Variants in KLHL4 observed in about 807,000 individuals in gnomAD.
KLHL4 encodes the protein kelch like family member 4, also known as kelch-like protein 4.
In KLHL4, 17 loss-of-function variants were observed where a neutral mutation model predicts 45.8. The ratio of observed to expected loss-of-function variants is 0.37; its 90% CI spans 0.25 to 0.56. The LOEUF (loss-of-function observed/expected upper bound fraction) is 0.56. Ranked by LOEUF, KLHL4 falls within the 20% of genes least tolerant of loss-of-function variation. The pLI, the probability that KLHL4 is intolerant of heterozygous loss-of-function variation, is 0.79. For missense variants in KLHL4, 544 were observed against 544.9 expected, an observed-to-expected ratio of 1.00 and a Z score of 0.02; for synonymous variants, 224 against 189.9, an observed-to-expected ratio of 1.18 and a Z score of -1.47.
intron 1 of KLHL4, among the ~76,000 whole-genome samples, chrX:87,591,602 T>G (rs1047141032): frequency 1.7e-4 from 19 of 112,143 alleles, no homozygotes; most frequent in Non-Finnish European, 9.4e-5. Context: ...TTGCAGATTG[T>G]GTCTTCACTC....
chrX:87,610,816 G>T (rs1027491445), intron 1 of KLHL4, among the ~76,000 whole-genome samples: 1 of 111,746 alleles, frequency 8.9e-6, no homozygotes, highest in Non-Finnish European at 1.9e-5. Context: ...GCTCACACCT[G>T]TAATTTCAGC....
chrX:87,637,261 G>A (rs1451113097), intron 9 of KLHL4, among the ~76,000 whole-genome samples: 1 of 111,508 alleles, frequency 9.0e-6, no homozygotes, highest in East Asian at 2.8e-4. Flanking sequence ...TGCTCAGGAA[G>A]CCCCATCCCT....
intron 1 of KLHL4, among the ~76,000 whole-genome samples, chrX:87,601,202 T>G (rs761192858): frequency 8.9e-6 from 1 of 111,793 alleles, no homozygotes; most frequent in Admixed American, 9.5e-5. Context: ...TGTAAAAGTT[T>G]TAGAACCAGA....
At chrX:87,659,786 G>T (rs1031316509) in intron 9 of KLHL4, among the ~76,000 whole-genome samples, 1 of 109,809 alleles carries the variant, frequency 9.1e-6, no homozygotes, top group Admixed American at 9.8e-5. Context: ...CTGAAAACTG[G>T]GTTTTTGAAA....
intron 3 of KLHL4, among the ~76,000 whole-genome samples, chrX:87,615,708 T>C (rs986460329): frequency 9.0e-6 from 1 of 111,420 alleles, no homozygotes; most frequent in Non-Finnish European, 1.9e-5. Flanking sequence ...ATATGCCAGA[T>C]AAAAGAAGCC....
chrX:87,613,427 C>A (rs1279643980), intron 1 of KLHL4, among the ~76,000 whole-genome samples: 2 of 111,861 alleles, frequency 1.8e-5, no homozygotes, highest in East Asian at 2.8e-4. Context: ...GCTTGAAATT[C>A]TTTGAGGAAT....
chrX:87,663,346 G>A (rs185821094), intron 9 of KLHL4, among the ~76,000 whole-genome samples: 1,149 of 111,851 alleles, frequency 0.01, 10 homozygotes, highest in African/African-American at 0.035. Flanking sequence ...TTGAATATGC[G>A]GTGACTACTT....
rs1166559605 is a variant in KLHL4, at chrX:87,551,310, C to G, written c.422+32995C>G. On this transcript the variant is annotated intron_variant, in intron 1 of 10. Coordinates refer to ENST00000373119, the MANE Select transcript of KLHL4 (RefSeq NM_019117.5). ...AGGAATATACCTAACCAAAAGACCT[C>G]TATGAAGAAAACTACAAAACACTGC... 2.7e-5 allele frequency among the ~76,000 whole-genome samples: 3 copies of G among 110,754 alleles called. No homozygotes were observed. In the Admixed American group the frequency reaches 2.9e-4, roughly 11 times the overall value.
intron 1 of KLHL4, among the ~76,000 whole-genome samples, chrX:87,529,157 C>T (rs770848547): frequency 4.5e-5 from 5 of 111,128 alleles, no homozygotes; most frequent in East Asian, 5.6e-4. Flanking sequence ...TAAACAAAAG[C>T]GGAGGGAATT....
intron 7 of KLHL4, among the ~76,000 whole-genome samples, chrX:87,633,171 A>T (rs987419707): frequency 9.0e-6 from 1 of 111,466 alleles, no homozygotes; most frequent in Non-Finnish European, 1.9e-5. Context: ...GTTGATTGGG[A>T]TAGTGAAGGT....
chrX:87,591,833 C>T (rs753216563), intron 1 of KLHL4, among the ~76,000 whole-genome samples: 1 of 112,011 alleles, frequency 8.9e-6, no homozygotes, highest in East Asian at 2.8e-4. Flanking sequence ...TAATCTCAAA[C>T]ATTTATCAAT....
chrX:87,529,989 A>C (rs918304155), intron 1 of KLHL4, among the ~76,000 whole-genome samples: 2 of 111,830 alleles, frequency 1.8e-5, no homozygotes, highest in Non-Finnish European at 3.8e-5. Flanking sequence ...AGTAGCCAGC[A>C]TAGTGTGATA....
intron 1 of KLHL4, among the ~76,000 whole-genome samples, chrX:87,584,619 G>A (rs1921396428): frequency 9.0e-6 from 1 of 110,870 alleles, no homozygotes; most frequent in South Asian, 3.8e-4. Context: ...TCTAGCAGAA[G>A]ATAGTAATAG....
intron 1 of KLHL4, among the ~76,000 whole-genome samples, chrX:87,591,604 T>C (rs1280188101): frequency 2.7e-5 from 3 of 112,098 alleles, no homozygotes; most frequent in African/African-American, 9.7e-5. Flanking sequence ...GCAGATTGTG[T>C]CTTCACTCTA....
At chrX:87,636,583 G>T (rs1315796833) in intron 9 of KLHL4, among the ~76,000 whole-genome samples, 2 of 111,473 alleles carry the variant, frequency 1.8e-5, no homozygotes, top group Non-Finnish European at 3.8e-5. Flanking sequence ...TAGGTTCTCA[G>T]CCCTGCTCAC....
At chrX:87,659,654 T>C (rs1291143957) in intron 9 of KLHL4, among the ~76,000 whole-genome samples, 3 of 112,044 alleles carry the variant, frequency 2.7e-5, no homozygotes, top group African/African-American at 9.7e-5. Flanking sequence ...AGCTATGTTA[T>C]TGTCTTGTAA....
At chrX:87,562,503 C>T (rs939722467) in intron 1 of KLHL4, among the ~76,000 whole-genome samples, 5 of 107,035 alleles carry the variant, frequency 4.7e-5, no homozygotes, top group African/African-American at 1.7e-4. Flanking sequence ...GGGACAGTAG[C>T]GATCATGGGG....
intron 1 of KLHL4, among the ~76,000 whole-genome samples, chrX:87,608,444 G>A (rs755815263): frequency 2.7e-5 from 3 of 110,886 alleles, no homozygotes; most frequent in African/African-American, 9.8e-5. Context: ...TTCCTTGAAC[G>A]ATGCACTGCA....
chrX:87,588,194 T>C (rs772580610), intron 1 of KLHL4, among the ~76,000 whole-genome samples: 2 of 111,415 alleles, frequency 1.8e-5, no homozygotes, highest in South Asian at 7.5e-4. Flanking sequence ...ATTGAAAAAA[T>C]CAATAATGTT....
Sources: allele counts gnomAD v4.1 joint callset (sites outside exome capture counted in the v4.1 genomes callset), GRCh38; gene constraint gnomAD v4.1.1; transcripts MANE v1.5; gene names NCBI Gene and HGNC (gene_info 2026-07-23, HGNC 2026-07-21).